MLLT10: variants seen among roughly 807,000 people sequenced by gnomAD.
The protein encoded by MLLT10 is protein AF-10.
In MLLT10, 30 loss-of-function variants were observed where a neutral mutation model predicts 129.1. The ratio of observed to expected loss-of-function variants is 0.23; its 90% CI spans 0.17 to 0.32. The LOEUF is 0.32. Among genes scored for constraint, MLLT10 ranks in the 10% least tolerant of loss-of-function variants. The pLI is 1.00. For synonymous variants in MLLT10, 490 were observed against 446.4 expected, an observed-to-expected ratio of 1.10 and a Z score of -1.23; for missense variants, 1,119 against 1,268.3, an observed-to-expected ratio of 0.88 and a Z score of 1.79.
intron 11 of MLLT10, among the ~76,000 whole-genome samples, chr10:21,677,801 T>C (rs1400786238): frequency 2.6e-5 from 4 of 152,248 alleles, no homozygotes; most frequent in Non-Finnish European, 5.9e-5. Context: ...GACAGGTCGA[T>C]AATTTAGTAA....
At chr10:21,585,838 C>T (rs1365290862) in intron 3 of MLLT10, among the ~76,000 whole-genome samples, 13 of 152,080 alleles carry the variant, frequency 8.5e-5, no homozygotes, top group South Asian at 2.1e-4. Flanking sequence ...CTTGGCTCAC[C>T]GCAACCTGTA....
chr10:21,631,183 G>A (rs1365828083), intron 8 of MLLT10, among the ~76,000 whole-genome samples: 2 of 151,818 alleles, frequency 1.3e-5, no homozygotes, highest in African/African-American at 2.4e-5. Flanking sequence ...GCATGGTGGC[G>A]GGCGCCTGTA....
At chr10:21,670,907 A>G (rs2131373790) in intron 10 of MLLT10, 1 of 517,836 alleles carries the variant, frequency 1.9e-6, no homozygotes. Context: ...TCCTTTTATA[A>G]TATGATTTGT....
rs2053633844 is a variant in MLLT10 at position 21,689,575 on chromosome 10, A to G, written c.1699+7318A>G. Among the ~76,000 whole-genome samples the G allele has an allele frequency of 4.9e-5, 7 of 141,856 alleles. No individual in the cohort carries two copies. In the South Asian group the frequency reaches 1.3e-3, roughly 27 times the overall value. 93.1% of individuals were successfully genotyped at this position (141,856 alleles called of 152,430 possible). On this transcript the variant is annotated intron_variant, in intron 13 of 22. Transcript: ENST00000307729. ...TATATATATATATATGTATATATAT[A>G]TATATATATATATAGCGTGTGTGTT...
In MLLT10 at chr10:21,574,230, T is replaced by G. The variant is rs374102694; in HGVS notation, c.241-12064T>G. Among the ~76,000 whole-genome samples, 10 of 152,350 alleles carry G rather than the reference T, an allele frequency of 6.6e-5. No homozygotes were observed. The East Asian group carries it at 1.5e-3, about 23-fold the overall frequency. On this transcript the variant is annotated intron_variant, in intron 3 of 22. Coordinates refer to ENST00000307729, the MANE Select transcript of MLLT10 (RefSeq NM_001195626.3). Reference sequence around the variant, plus strand: ...TTTCAAATAATTTTTTCTTTTCATCTAAGCTGTTGAATTGGTTAGCATAAA... The same window carrying G: ...TTTCAAATAATTTTTTCTTTTCATCGAAGCTGTTGAATTGGTTAGCATAAA...
At chr10:21,710,161 G>T (rs2055935937) in intron 13 of MLLT10, among the ~76,000 whole-genome samples, 1 of 152,186 alleles carries the variant, frequency 6.6e-6, no homozygotes, top group South Asian at 2.1e-4. Flanking sequence ...TTAGGGTTCT[G>T]TCTTTGGTTC....
At position 21,717,253 on chromosome 10, in the gene MLLT10, C is replaced by CAAAAAAAA. The variant is rs747244556; in HGVS notation, c.1878+3320_1878+3327dup. ...GGGCAACAAGAGCGAAACTCCGTCT[C>CAAAAAAAA]AAAAAAAAAAAAAAAAAAAAAAAAT... On this transcript the variant is annotated intron_variant, in intron 14 of 22. Transcript: ENST00000307729. 6.3e-5 allele frequency among the ~76,000 whole-genome samples: 4 copies of CAAAAAAAA among 63,548 alleles called. 1 individual carries two copies. Among genetic ancestry groups the CAAAAAAAA allele is most frequent in the Admixed American group, 2.2e-4 (1 of 4,632 alleles). 41.7% of individuals were successfully genotyped at this position (63,548 alleles called of 152,430 possible).
At chr10:21,582,282 TA>T (rs1270732780) in intron 3 of MLLT10, among the ~76,000 whole-genome samples, 2 of 151,980 alleles carry the variant, frequency 1.3e-5, no homozygotes, top group Non-Finnish European at 2.9e-5. Context: ...CACATGCAGC[TA>T]ATTTTTTTGT....
At chr10:21,673,300 G>GGGGGGGC in intron 10 of MLLT10, 50 bp from the exon 11 acceptor site, 1 of 655,068 alleles carries the variant, frequency 1.5e-6, no homozygotes, top group Non-Finnish European at 2.2e-6. Context: ...CAATTTTTCT[G>GGGGGGGC]TCCCCCCCAC....
At position 21,552,604 on chromosome 10, in the gene MLLT10, C is replaced by G. The variant is rs1479510699; in HGVS notation, c.240+13692C>G. ...ACGGGGCTTTACCGTGTTGGCCAGG[C>G]TGGTCTCGATCTCCTGACCTCAGGT... On this transcript the variant is annotated intron_variant, in intron 3 of 22. Transcript: ENST00000307729. Among the ~76,000 whole-genome samples the G allele has an allele frequency of 5.3e-5, 8 of 151,884 alleles. No homozygotes were observed. In the East Asian group the frequency reaches 1.4e-3, roughly 26 times the overall value.
At chr10:21,571,991 G>A (rs2040256279) in intron 3 of MLLT10, 1 of 152,152 alleles carries the variant, frequency 6.6e-6, no homozygotes, top group African/African-American at 2.4e-5. Flanking sequence ...CTTACTGTGA[G>A]CTAAGACAGT....
At chr10:21,706,987 T>G (rs2055573923) in intron 13 of MLLT10, among the ~76,000 whole-genome samples, 1 of 152,118 alleles carries the variant, frequency 6.6e-6, no homozygotes, top group Admixed American at 6.5e-5. Flanking sequence ...ATTTTCTGTA[T>G]GAACTCCTCT....
intron 11 of MLLT10, 38 bp from the exon 12 acceptor site, chr10:21,681,294 A>G (rs771876644): frequency 8.7e-6 from 14 of 1,610,536 alleles, no homozygotes; most frequent in East Asian, 2.2e-5. Flanking sequence ...GTCACTGGCA[A>G]TTTCTTCACT....
At chr10:21,705,069 G>A (rs2055364486) in intron 13 of MLLT10, among the ~76,000 whole-genome samples, 1 of 152,126 alleles carries the variant, frequency 6.6e-6, no homozygotes, top group Non-Finnish European at 1.5e-5. Context: ...TGCCAGTAGT[G>A]GTAGCAGTTG....
chr10:21,643,304 G>A (rs1000518418), intron 8 of MLLT10, among the ~76,000 whole-genome samples: 3 of 152,052 alleles, frequency 2.0e-5, no homozygotes, highest in South Asian at 2.1e-4. Flanking sequence ...AAGTACTGGG[G>A]TTACAGGTGT....
chr10:21,640,028 G>A lies in MLLT10; in HGVS notation c.700-11645G>A, dbSNP rs372974144. Among the ~76,000 whole-genome samples the A allele has an allele frequency of 2.0e-5, 3 of 151,830 alleles. No homozygotes were observed. In the East Asian group the frequency reaches 5.8e-4, roughly 29 times the overall value. On this transcript the variant is annotated intron_variant, in intron 8 of 22. Transcript: ENST00000307729. ...GTTACTCTGCCGCTGTTCTGAAGCT[G>A]CATCAGGAACCAAGGACAAAAGGCC... is the stretch of plus-strand genomic sequence containing the variant.
At chr10:21,655,578 A>G (rs1267645875) in intron 9 of MLLT10, among the ~76,000 whole-genome samples, 2 of 152,336 alleles carry the variant, frequency 1.3e-5, no homozygotes, top group East Asian at 3.9e-4. Flanking sequence ...CTGTTGAGCT[A>G]TACAAAAACA....
chr10:21,684,043 C>CT (rs2053026838), intron 13 of MLLT10, among the ~76,000 whole-genome samples: 1 of 150,062 alleles, frequency 6.7e-6, no homozygotes, highest in South Asian at 2.1e-4. Context: ...ATCTTGCTTT[C>CT]TTACCCAGGC....
rs181463365 is a variant in MLLT10 at position 21,639,221 on chromosome 10, A to G, written c.700-12452A>G. Among the ~76,000 whole-genome samples the G allele has an allele frequency of 7.4e-4, 113 of 152,344 alleles. 3 individuals are homozygous for G. The East Asian group carries it at 0.014, about 19-fold the overall frequency. On this transcript the variant is annotated intron_variant, in intron 8 of 22. Coordinates refer to ENST00000307729, the MANE Select transcript of MLLT10 (RefSeq NM_001195626.3). ...GAATGCTTCTGTGACCCATAAATGT[A>G]TGGGGATTTCTCCCCACCAAGCAAG...
Sources: gnomAD v4.1 joint callset for allele counts (sites outside exome capture counted in the v4.1 genomes callset) on GRCh38, gnomAD v4.1.1 for gene constraint, MANE v1.5 for transcripts, NCBI Gene and HGNC (gene_info 2026-07-23, HGNC 2026-07-21) for gene names.